B3GALNT2: variants seen among roughly 807,000 people sequenced by gnomAD.
B3GALNT2 encodes UDP-GalNAc:beta-1,3-N-acetylgalactosaminyltransferase 2.
A neutral mutation model predicts 61.1 loss-of-function variants in B3GALNT2; 53 were observed. The ratio of observed to expected loss-of-function variants is 0.87; its 90% CI spans 0.70 to 1.09. The LOEUF is 1.09. B3GALNT2 is among the 50% of genes least tolerant of loss of function. The probability of loss-of-function intolerance (pLI) is 0.00; values close to 1 mark genes in which losing one functional copy is unlikely to be tolerated. For synonymous variants in B3GALNT2, 223 were observed against 237.4 expected (o/e 0.94, Z 0.56); for missense variants, 544 against 623.0 (o/e 0.87, Z 1.35).
At chr1:235,499,466 A>C (rs985190169) in intron 1 of B3GALNT2, among the ~76,000 whole-genome samples, 1 of 152,204 alleles carries the variant, frequency 6.6e-6, no homozygotes, top group African/African-American at 2.4e-5. Context: ...TCCTATGCTC[A>C]TTGTTCTAGA....
Position 235,484,351 on chromosome 1 carries a change from T to C in B3GALNT2, c.526A>G (p.Thr176Ala), listed in dbSNP as rs761281958. 3 of 1,614,152 alleles carry C rather than the reference T, an allele frequency of 1.9e-6. No homozygotes were observed. Among genetic ancestry groups the C allele is most frequent in the South Asian group, 1.1e-5 (1 of 91,070 alleles). ...TGTTCTGCCTGATAAAGTTTGACAG[T>C]GATGTTCCTCTGGAAACCCACATCA... is the stretch of plus-strand genomic sequence containing the variant. ...ANDVGFQRNI[T>A]VKLYQAEQEE... The change falls in exon 4 of 12, where the codon ACT (threonine) becomes GCT (alanine). Residue 176 changes from threonine to alanine, a missense_variant. Transcript: ENST00000366600.
At chr1:235,459,009 A>AC (rs1683295402) in intron 7 of B3GALNT2, among the ~76,000 whole-genome samples, 1 of 152,172 alleles carries the variant, frequency 6.6e-6, no homozygotes. Flanking sequence ...TTAGGCTGAA[A>AC]ATGTGTACAC....
chr1:235,464,736 C>T (rs547929079), intron 7 of B3GALNT2: 2 of 151,980 alleles, frequency 1.3e-5, no homozygotes, highest in Non-Finnish European at 2.9e-5. Context: ...GCCTGGGCAA[C>T]AGAGTGAGGC....
chr1:235,479,799 A>T (rs888463950), intron 5 of B3GALNT2: 4 of 352,306 alleles, frequency 1.1e-5, no homozygotes, highest in Non-Finnish European at 2.0e-5. Context: ...GTAGTTCTCT[A>T]CTCCACTAAA....
chr1:235,474,695 C>CAGCTAT (rs1395555309), intron 5 of B3GALNT2, among the ~76,000 whole-genome samples: 1 of 151,736 alleles, frequency 6.6e-6, no homozygotes, highest in East Asian at 1.9e-4. Context: ...GTGGCAGGCA[C>CAGCTAT]TCGTAATCCC....
At chr1:235,445,798 G>A (rs947625172), downstream of B3GALNT2, among the ~76,000 whole-genome samples, 5 of 152,084 alleles carry the variant, frequency 3.3e-5, no homozygotes, top group Non-Finnish European at 7.3e-5. Flanking sequence ...CTCTGACCAA[G>A]CATTGTATCT....
chr1:235,489,420 G>C, intron 2 of B3GALNT2, 152 bp from the exon 3 acceptor site: 1 of 1,305,704 alleles, frequency 7.7e-7, no homozygotes, highest in South Asian at 1.9e-5. Context: ...CAAAATGGGG[G>C]AACAAGTAAA....
Position 235,448,602 on chromosome 1 carries a change from A to C in B3GALNT2, c.*1604T>G. 7.0e-7 allele frequency: 1 copy of C among 1,426,766 alleles called. No individual in the cohort carries two copies. Among genetic ancestry groups the C allele is most frequent in the Non-Finnish European group, 9.9e-7 (1 of 1,009,766 alleles). 88.4% of individuals were successfully genotyped at this position (1,426,766 alleles called of 1,614,324 possible). On this transcript the variant is annotated 3_prime_UTR_variant, in exon 12 of 12. Transcript: ENST00000366600. ...CTGCCTGGGGACGGGGTGGGGGAAG[A>C]GTATGTGTAGCATGCTTTATCGGAT... is the stretch of plus-strand genomic sequence containing the variant.
chr1:235,457,323 A>T (rs1007701736), intron 8 of B3GALNT2, among the ~76,000 whole-genome samples: 41 of 152,200 alleles, frequency 2.7e-4, no homozygotes, highest in South Asian at 2.1e-3. Context: ...AAGGTTTTTA[A>T]AAATAAAAGT....
In B3GALNT2 at chr1:235,504,175, C is replaced by T. The variant is rs1249782286; in HGVS notation, c.78G>A (p.Pro26=). 2 of 1,301,646 alleles carry T rather than the reference C, an allele frequency of 1.5e-6. No homozygotes were observed. The highest frequency in any genetic ancestry group is 2.3e-5 in the South Asian group (1 of 42,832). The allele number at this position is 1,301,646 out of a possible 1,614,324, so 80.6% of individuals were successfully genotyped here. A position where few individuals can be genotyped will look rare whatever the true frequency, so the allele number is the denominator to read the frequency against. ...CGGCCCCGGAGGCGCAGGCGGGCGG[C>T]GGGGAGCGCAGCCGCAGCCAGAGGT... ...ALHLWLRLRS[P]PPACASGAGP... Residue 26 remains proline (P), a synonymous_variant, in exon 1 of 12, where the codon CCG becomes CCA. Coordinates refer to ENST00000366600, the MANE Select transcript of B3GALNT2 (RefSeq NM_152490.5).
At chr1:235,452,950 CA>C in intron 11 of B3GALNT2, 139 bp downstream of exon 11, 1 of 711,164 alleles carries the variant, frequency 1.4e-6, no homozygotes, top group Non-Finnish European at 2.4e-6. Flanking sequence ...AAGTATAATG[CA>C]ATTATTCTAA....
chr1:235,448,161 T>C lies in B3GALNT2; in HGVS notation c.*2045A>G, dbSNP rs970947721. Among the ~76,000 whole-genome samples the C allele has an allele frequency of 6.1e-5, 9 of 148,270 alleles. No individual in the cohort carries two copies. The highest frequency in any genetic ancestry group is 2.0e-4 in the East Asian group (1 of 5,116). ...GTTGCAGTGAGCCGAGATTACACCATTGCACTCCAGCCTGGGCGACAGAGC... is the reference window on the plus strand; with the variant it reads ...GTTGCAGTGAGCCGAGATTACACCACTGCACTCCAGCCTGGGCGACAGAGC... On this transcript the variant is annotated 3_prime_UTR_variant, in exon 12 of 12. Coordinates refer to ENST00000366600, the MANE Select transcript of B3GALNT2 (RefSeq NM_152490.5).
chr1:235,502,479 A>G (rs1685626642), intron 1 of B3GALNT2, among the ~76,000 whole-genome samples: 1 of 152,228 alleles, frequency 6.6e-6, no homozygotes, highest in African/African-American at 2.4e-5. Flanking sequence ...ACTCATTCAA[A>G]GCCAAAGTTA....
At chr1:235,474,857 G>A (rs1326943919) in intron 5 of B3GALNT2, among the ~76,000 whole-genome samples, 3 of 148,558 alleles carry the variant, frequency 2.0e-5, no homozygotes, top group East Asian at 2.0e-4. Flanking sequence ...CAATAACGTC[G>A]CTAGTGACTT....
At chr1:235,488,089 T>C (rs912540370) in intron 3 of B3GALNT2, among the ~76,000 whole-genome samples, 1 of 152,216 alleles carries the variant, frequency 6.6e-6, no homozygotes, top group Non-Finnish European at 1.5e-5. Flanking sequence ...CTTTTAATTT[T>C]AAGGCATAAA....
chr1:235,459,642 T>G (rs974195223), intron 7 of B3GALNT2, among the ~76,000 whole-genome samples: 25 of 151,656 alleles, frequency 1.6e-4, no homozygotes, highest in Admixed American at 3.9e-4. Flanking sequence ...AATAAATAAA[T>G]AAAGAGACGT....
intron 4 of B3GALNT2, among the ~76,000 whole-genome samples, chr1:235,483,879 G>A (rs1286298683): frequency 6.6e-6 from 1 of 152,064 alleles, no homozygotes; most frequent in Non-Finnish European, 1.5e-5. Context: ...CTGGTTTTCT[G>A]TTTTCTGTAA....
downstream of B3GALNT2, among the ~76,000 whole-genome samples, chr1:235,444,343 A>G (rs1682100412): frequency 6.6e-6 from 1 of 152,172 alleles, no homozygotes; most frequent in African/African-American, 2.4e-5. Flanking sequence ...AAACTTAGAC[A>G]GACAGTAAAG....
downstream of B3GALNT2, among the ~76,000 whole-genome samples, chr1:235,445,000 C>G (rs1682148814): frequency 6.6e-6 from 1 of 152,214 alleles, no homozygotes; most frequent in Non-Finnish European, 1.5e-5. Context: ...GACTGGTATC[C>G]CAGGTCTTCT....
Sources: gnomAD v4.1 joint callset for allele counts (sites outside exome capture counted in the v4.1 genomes callset) on GRCh38, gnomAD v4.1.1 for gene constraint, MANE v1.5 for transcripts, NCBI Gene and HGNC (gene_info 2026-07-23, HGNC 2026-07-21) for gene names.